The following WWOX variants were observed in gnomAD, a reference collection of about 807,000 sequenced individuals.
WWOX encodes WW domain containing oxidoreductase.
In WWOX, 69 loss-of-function variants were observed where a neutral mutation model predicts 46.2. The ratio of observed to expected loss-of-function variants is 1.49; its 90% CI spans 1.23 to 1.82. WWOX has a LOEUF of 1.82. Ranked by LOEUF, WWOX falls within the 40% of genes most tolerant of loss-of-function variation. WWOX has a pLI of 0.00. For missense variants in WWOX, 919 were observed against 542.6 expected (o/e 1.69, Z -6.89); for synonymous variants, 359 against 202.6 (o/e 1.77, Z -6.56).
intron 8 of WWOX, among the ~76,000 whole-genome samples, chr16:79,086,676 T>G (rs182661498): frequency 1.8e-4 from 27 of 151,798 alleles, no homozygotes; most frequent in Admixed American, 3.3e-4. Context: ...AGTCCAGGAG[T>G]TTGAGACCTG....
At chr16:78,218,310 A>T (rs1802097230) in intron 5 of WWOX, among the ~76,000 whole-genome samples, 1 of 152,092 alleles carries the variant, frequency 6.6e-6, no homozygotes, top group Non-Finnish European at 1.5e-5. Context: ...GGCTGGGCTC[A>T]AACTCCTGGG....
intron 6 of WWOX, among the ~76,000 whole-genome samples, chr16:78,422,469 G>C (rs73572812): frequency 0.086 from 12,928 of 149,716 alleles, 1,635 homozygotes; most frequent in African/African-American, 0.28. Context: ...CTCAGCCTCC[G>C]AAGTAGCTGG....
chr16:79,159,452 G>C (rs189171420), intron 8 of WWOX, among the ~76,000 whole-genome samples: 5 of 152,296 alleles, frequency 3.3e-5, no homozygotes, highest in Admixed American at 2.6e-4. Context: ...CTGGCATCTC[G>C]AATGAGCTCT....
At chr16:79,003,606 A>G (rs4888914) in intron 8 of WWOX, among the ~76,000 whole-genome samples, 149,070 of 152,262 alleles carry the variant, frequency 0.98, 72,977 homozygotes, top group East Asian at 1. Context: ...GGCCTTGGAG[A>G]GTCTAGGATG....
At chr16:78,139,318 G>T (rs527653005) in intron 4 of WWOX, among the ~76,000 whole-genome samples, 1 of 152,284 alleles carries the variant, frequency 6.6e-6, no homozygotes, top group Non-Finnish European at 1.5e-5. Context: ...TGGCGAGAGG[G>T]TGTTGCTTTT....
chr16:78,351,335 G>A (rs926330003), intron 5 of WWOX, among the ~76,000 whole-genome samples: 4 of 152,120 alleles, frequency 2.6e-5, no homozygotes, highest in African/African-American at 7.2e-5. Context: ...TAATAATTCC[G>A]CAGAAAAAAG....
chr16:78,601,435 CA>C (rs1486193305), intron 8 of WWOX, among the ~76,000 whole-genome samples: 1 of 78,462 alleles, frequency 1.3e-5, no homozygotes, highest in Non-Finnish European at 2.6e-5. Flanking sequence ...AATTCCCCAG[CA>C]GAGAGAAAAA....
intron 8 of WWOX, among the ~76,000 whole-genome samples, chr16:78,545,189 T>G (rs1043435916): frequency 6.6e-6 from 1 of 152,180 alleles, no homozygotes; most frequent in Admixed American, 6.5e-5. Context: ...GGTACCACTG[T>G]GGCCAGGGAG....
chr16:78,463,100 C>T (rs1035169836), intron 8 of WWOX, among the ~76,000 whole-genome samples: 18 of 152,264 alleles, frequency 1.2e-4, no homozygotes, highest in South Asian at 1.0e-3. Context: ...ATGTCAGATC[C>T]GTATCCCACT....
At chr16:78,696,586 T>C (rs2048104647) in intron 8 of WWOX, among the ~76,000 whole-genome samples, 1 of 152,152 alleles carries the variant, frequency 6.6e-6, no homozygotes, top group South Asian at 2.1e-4. Flanking sequence ...ATCGATATTC[T>C]ACCAGGCACG....
chr16:79,084,324 A>G (rs2048815725), intron 8 of WWOX, among the ~76,000 whole-genome samples: 2 of 152,250 alleles, frequency 1.3e-5, no homozygotes, highest in Admixed American at 1.3e-4. Flanking sequence ...AGATCAATAA[A>G]TCACACCAAA....
intron 8 of WWOX, among the ~76,000 whole-genome samples, chr16:78,563,399 C>G (rs2044485242): frequency 6.6e-6 from 1 of 151,344 alleles, no homozygotes; most frequent in Non-Finnish European, 1.5e-5. Context: ...ACAGAACTGA[C>G]AGGTATTGAA....
At chr16:79,037,538 TG>T (rs2047891592) in intron 8 of WWOX, among the ~76,000 whole-genome samples, 1 of 152,114 alleles carries the variant, frequency 6.6e-6, no homozygotes, top group African/African-American at 2.4e-5. Flanking sequence ...ACACTGCTGA[TG>T]AGTGACAGAG....
intron 8 of WWOX, among the ~76,000 whole-genome samples, chr16:78,469,409 G>T (rs992826610): frequency 6.6e-6 from 1 of 152,084 alleles, no homozygotes; most frequent in Non-Finnish European, 1.5e-5. Flanking sequence ...ACTTGGAGAA[G>T]GGCTGAAGGC....
intron 5 of WWOX, among the ~76,000 whole-genome samples, chr16:78,171,890 A>G (rs952247575): frequency 3.4e-4 from 51 of 152,172 alleles, no homozygotes; most frequent in Non-Finnish European, 5.6e-4. Context: ...AAAATGTCCT[A>G]TTATTGTCAC....
At chr16:78,385,738 T>C (rs2082047283) in intron 5 of WWOX, among the ~76,000 whole-genome samples, 1 of 152,190 alleles carries the variant, frequency 6.6e-6, no homozygotes, top group Admixed American at 6.5e-5. Context: ...TTATCCTCCT[T>C]AATCTTACTT....
chr16:78,248,320 A>C (rs1410403256), intron 5 of WWOX, among the ~76,000 whole-genome samples: 1 of 152,188 alleles, frequency 6.6e-6, no homozygotes, highest in African/African-American at 2.4e-5. Context: ...AACACTTTTC[A>C]ACAACCAGAT....
chr16:78,497,877 C>T (rs2084955881), intron 8 of WWOX, among the ~76,000 whole-genome samples: 1 of 150,854 alleles, frequency 6.6e-6, no homozygotes, highest in South Asian at 2.1e-4. Flanking sequence ...TTAAAAAAGC[C>T]CACATTTTAA....
chr16:78,137,065 A>G (rs546620662), intron 4 of WWOX, among the ~76,000 whole-genome samples: 1 of 152,308 alleles, frequency 6.6e-6, no homozygotes, highest in South Asian at 2.1e-4. Flanking sequence ...AAGTTGGATC[A>G]GCTCCCTTGA....
Sources: allele counts gnomAD v4.1 joint callset (sites outside exome capture counted in the v4.1 genomes callset), GRCh38; gene constraint gnomAD v4.1.1; transcripts MANE v1.5; gene names NCBI Gene and HGNC (gene_info 2026-07-23, HGNC 2026-07-21).